Variants in PTPN23 observed in about 807,000 individuals in gnomAD.
PTPN23 encodes the protein protein tyrosine phosphatase non-receptor type 23.
In PTPN23, 72 loss-of-function variants were observed where a neutral mutation model predicts 156.3. The ratio of observed to expected loss-of-function variants is 0.46; its 90% CI spans 0.38 to 0.56. PTPN23 has a LOEUF of 0.56. Among genes scored for constraint, PTPN23 ranks in the 20% least tolerant of loss-of-function variants. The probability of loss-of-function intolerance (pLI) is 0.00; values close to 1 mark genes in which losing one functional copy is unlikely to be tolerated. For missense variants in PTPN23, 1,974 were observed against 2,171.5 expected, an observed-to-expected ratio of 0.91 and a Z score of 1.81; for synonymous variants, 957 against 899.6, an observed-to-expected ratio of 1.06 and a Z score of -1.14.
chr3:47,399,746 G>A (rs1223691196), intron 2 of PTPN23, among the ~76,000 whole-genome samples: 1 of 152,208 alleles, frequency 6.6e-6, no homozygotes, highest in Admixed American at 6.5e-5. Flanking sequence ...GCCATCTGGG[G>A]TAGCCACTTC....
At position 47,407,654 on chromosome 3, in the gene PTPN23, G is replaced by A; in HGVS notation, c.1004-43G>A. On this transcript the variant is annotated intron_variant, in intron 12 of 24. Transcript: ENST00000265562. The surrounding 1 kb of genome is among the most constrained non-coding windows in gnomAD (Gnocchi z 4.0). ...GACAGGACACAGGAGGCTGCCTCAA[G>A]GACTCTGCGTGGGCCTGATCTCCAC... 2 of 1,608,436 alleles carry A rather than the reference G, an allele frequency of 1.2e-6. No homozygotes were observed. Among genetic ancestry groups the A allele is most frequent in the South Asian group, 1.1e-5 (1 of 90,940 alleles).
At chr3:47,404,810 C>G in intron 3 of PTPN23, 31 bp downstream of exon 3, 1 of 1,608,224 alleles carries the variant, frequency 6.2e-7, no homozygotes, top group African/African-American at 1.3e-5. Context: ...TGGAGGATCC[C>G]ACGGGGAGTC....
Position 47,405,773 on chromosome 3 carries a change from C to A in PTPN23, c.389C>A (p.Ala130Asp). ...GGAGCGCTGCACTCCATGCTGGGGG[C>A]CATGGACAAGCGGGTGTCTGAGGAG... ...NLGALHSMLG[A>D]MDKRVSEEGM... The change falls in exon 5 of 25, where the codon GCC (alanine) becomes GAC (aspartate). Residue 130 changes from alanine to aspartate, a missense_variant. Physicochemically the swap from Ala to Asp is moderately radical, Grantham distance 126 (BLOSUM62 -2). Coordinates refer to ENST00000265562, the MANE Select transcript of PTPN23 (RefSeq NM_015466.4). The surrounding 1 kb of genome is among the most constrained non-coding windows in gnomAD (Gnocchi z 4.7). The A allele has an allele frequency of 1.3e-6, 2 of 1,594,848 alleles. No homozygotes were observed. The highest frequency in any genetic ancestry group is 1.7e-6 in the Non-Finnish European group (2 of 1,171,250).
At position 47,407,647 on chromosome 3, in the gene PTPN23, G is replaced by C. The variant is rs1313488529; in HGVS notation, c.1004-50G>C. 1 of 1,606,084 alleles carries C rather than the reference G, an allele frequency of 6.2e-7. No individual in the cohort carries two copies. The highest frequency in any genetic ancestry group is 8.5e-7 in the Non-Finnish European group (1 of 1,173,070). ...GGGTGGGGACAGGACACAGGAGGCTGCCTCAAGGACTCTGCGTGGGCCTGA... is the reference window on the plus strand; with the variant it reads ...GGGTGGGGACAGGACACAGGAGGCTCCCTCAAGGACTCTGCGTGGGCCTGA... On this transcript the variant is annotated intron_variant, in intron 12 of 24. Coordinates refer to ENST00000265562, the MANE Select transcript of PTPN23 (RefSeq NM_015466.4). The surrounding 1 kb of genome is among the most constrained non-coding windows in gnomAD (Gnocchi z 4.0).
rs969377050 is a variant in PTPN23 at position 47,411,542 on chromosome 3, C to T, written c.3744C>T (p.Cys1248=). ...SGKDDYINAS[C]VEGLSPYCPP... is the part of the protein sequence containing the mutation. Reference sequence around the variant, plus strand: ...AGGATGACTACATCAATGCCAGCTGCGTGGAGGGGCTCTCCCCATACTGCC... The same window carrying T: ...AGGATGACTACATCAATGCCAGCTGTGTGGAGGGGCTCTCCCCATACTGCC... The change falls in exon 20 of 25, where the codon TGC becomes TGT. Residue 1248 remains cysteine, a synonymous_variant. Coordinates refer to ENST00000265562, the MANE Select transcript of PTPN23 (RefSeq NM_015466.4). This position sits in a 1 kb window ranked among gnomAD's most constrained non-coding sequence, Gnocchi z 6.3. 5.8e-5 allele frequency: 94 copies of T among 1,612,728 alleles called. No individual in the cohort carries two copies. Among genetic ancestry groups the T allele is most frequent in the Non-Finnish European group, 7.3e-5 (86 of 1,180,012 alleles).
rs142017935 is a variant in PTPN23 at position 47,408,810 on chromosome 3, C to T, written c.1365C>T (p.Ser455=). ...GTGTGTTCACGGATGTGGAGGCTTC[C>T]CTGAAGGACATCAGAGATCTGTTGG... The part of the protein sequence containing the change: ...LSGVFTDVEA[S]LKDIRDLLEE... The change falls in exon 16 of 25, where the codon TCC becomes TCT. Residue 455 remains serine, a synonymous_variant. Coordinates refer to ENST00000265562, the MANE Select transcript of PTPN23 (RefSeq NM_015466.4). 1.9e-6 allele frequency: 3 copies of T among 1,609,474 alleles called. No homozygotes were observed. The highest frequency in any genetic ancestry group is 2.5e-6 in the Non-Finnish European group (3 of 1,177,330).
chr3:47,388,256 T>C (rs1486183028), intron 1 of PTPN23, among the ~76,000 whole-genome samples: 1 of 152,198 alleles, frequency 6.6e-6, no homozygotes, highest in East Asian at 1.9e-4. Flanking sequence ...ACACCCAGGC[T>C]GGAGTGCAAA....
At position 47,405,236 on chromosome 3, in the gene PTPN23, C is replaced by G; in HGVS notation, c.364+155C>G. On this transcript the variant is annotated intron_variant, in intron 4 of 24. Transcript: ENST00000265562. This position sits in a 1 kb window ranked among gnomAD's most constrained non-coding sequence, Gnocchi z 4.7. ...CCTCCCCACAGCCCTGCCAGCTCCT[C>G]CACTGTTTTCTGGGCTGGGCCCGTG... The G allele has an allele frequency of 1.4e-6, 1 of 698,180 alleles. No individual in the cohort carries two copies. Among genetic ancestry groups the G allele is most frequent in the Admixed American group, 2.3e-5 (1 of 43,288 alleles). The allele number at this position is 698,180 out of a possible 1,614,324, so 43.2% of individuals were successfully genotyped here.
rs777293941 is a variant in PTPN23, at chr3:47,407,829, C to T, written c.1118+18C>T. 6.2e-7 allele frequency: 1 copy of T among 1,613,996 alleles called. No individual in the cohort carries two copies. Among genetic ancestry groups the T allele is most frequent in the South Asian group, 1.1e-5 (1 of 91,080 alleles). On this transcript the variant is annotated intron_variant, in intron 13 of 24. Coordinates refer to ENST00000265562, the MANE Select transcript of PTPN23 (RefSeq NM_015466.4). This position sits in a 1 kb window ranked among gnomAD's most constrained non-coding sequence, Gnocchi z 4.0. ...CTGTACAGGTGGGTGGAGGGTGGCACAGAGGGAGGTGGGGTGTCTTGAGAT... is the reference window on the plus strand; with the variant it reads ...CTGTACAGGTGGGTGGAGGGTGGCATAGAGGGAGGTGGGGTGTCTTGAGAT...
chr3:47,402,408 T>A (rs1006488308), intron 2 of PTPN23, among the ~76,000 whole-genome samples: 2 of 151,876 alleles, frequency 1.3e-5, no homozygotes, highest in Non-Finnish European at 2.9e-5. Flanking sequence ...GCCTCCTGAG[T>A]AGCTGGAATT....
In PTPN23 at chr3:47,412,835, C is replaced by G. The variant is rs867677793; in HGVS notation, c.4561C>G (p.Pro1521Ala). The change falls in exon 25 of 25, where the codon CCA becomes GCA. Residue 1521 changes from proline to alanine, a missense_variant. Pro to Ala is a conservative substitution (Grantham distance 27, BLOSUM62 -1). Coordinates refer to ENST00000265562, the MANE Select transcript of PTPN23 (RefSeq NM_015466.4). ...GGLESPVASL[P>A]GPAEPPGLPP... ...GTTGGAGTCCCCGGTTGCCAGCTTG[C>G]CAGGCCCTGCAGAGCCCCCAGGCCT... The G allele has an allele frequency of 1.2e-6, 2 of 1,613,424 alleles. No homozygotes were observed. The highest frequency in any genetic ancestry group is 2.2e-5 in the South Asian group (2 of 91,070).
intron 1 of PTPN23, among the ~76,000 whole-genome samples, chr3:47,383,130 C>T (rs1559516665): frequency 6.6e-6 from 1 of 152,162 alleles, no homozygotes; most frequent in African/African-American, 2.4e-5. Context: ...TGAGTCCCCA[C>T]TGTGTGCTTC....
intron 3 of PTPN23, 26 bp downstream of exon 3, chr3:47,404,805 G>A: frequency 6.2e-7 from 1 of 1,610,120 alleles, no homozygotes. Context: ...AGGGCTGGAG[G>A]ATCCCACGGG....
At position 47,410,932 on chromosome 3, in the gene PTPN23, C is replaced by A; in HGVS notation, c.3134C>A (p.Pro1045His). ...CCCAGCCCTGGGCCCCCTCAGCCTC[C>A]CCATCCCCCACTGGCATATGGTCCT... ...PFPSPGPPQP[P>H]HPPLAYGPAP... Residue 1045 changes from proline (P) to histidine (H), a missense_variant, in exon 20 of 25, where the codon CCC becomes CAC. Physicochemically the swap from Pro to His is moderately conservative, Grantham distance 77 (BLOSUM62 -2). This residue lies in a region of PTPN23 where 731 missense variants were observed against 669.1 expected (regional missense o/e 1.09). Coordinates refer to ENST00000265562, the MANE Select transcript of PTPN23 (RefSeq NM_015466.4). 1 of 1,610,628 alleles carries A rather than the reference C, an allele frequency of 6.2e-7. No individual in the cohort carries two copies. Among genetic ancestry groups the A allele is most frequent in the African/African-American group, 1.3e-5 (1 of 74,934 alleles).
At chr3:47,403,383 C>T (rs1050283082) in intron 2 of PTPN23, among the ~76,000 whole-genome samples, 1 of 152,032 alleles carries the variant, frequency 6.6e-6, no homozygotes, top group Non-Finnish European at 1.5e-5. Flanking sequence ...CCCCCAATAG[C>T]ATGCCATAGG....
rs1410344846 is a variant in PTPN23, at chr3:47,411,302, T to C, written c.3504T>C (p.Pro1168=). 6.2e-7 allele frequency: 1 copy of C among 1,612,168 alleles called. No homozygotes were observed. Among genetic ancestry groups the C allele is most frequent in the African/African-American group, 1.3e-5 (1 of 74,978 alleles). The change falls in exon 20 of 25, where the codon CCT becomes CCC. Residue 1168 remains proline (P), a synonymous_variant. Transcript: ENST00000265562. This position sits in a 1 kb window ranked among gnomAD's most constrained non-coding sequence, Gnocchi z 6.3. ...RLIERDPYEH[P]ERLRQLQQEL... ...TTGAGCGGGACCCCTATGAGCATCC[T>C]GAGAGGCTGCGGCAGTTGCAGCAGG...
chr3:47,406,537 A>G lies in PTPN23; in HGVS notation c.684A>G (p.Ser228=), dbSNP rs1337058530. 6.2e-7 allele frequency: 1 copy of G among 1,614,014 alleles called. No individual in the cohort carries two copies. The highest frequency in any genetic ancestry group is 1.7e-5 in the Admixed American group (1 of 60,030). The change falls in exon 8 of 25, where the codon TCA becomes TCG. Residue 228 remains serine (S), a synonymous_variant. Transcript: ENST00000265562. This position sits in a 1 kb window ranked among gnomAD's most constrained non-coding sequence, Gnocchi z 5.8. The stretch of plus-strand genomic sequence containing the variant: ...CCTTGGAGAACCCCGACACTGCCTC[A>G]CTGCTGGGCCGGATCCAGAAGGACT... The part of the protein sequence containing the change: ...CRALENPDTA[S]LLGRIQKDWK...
At chr3:47,402,371 C>G (rs1489272846) in intron 2 of PTPN23, among the ~76,000 whole-genome samples, 1 of 152,040 alleles carries the variant, frequency 6.6e-6, no homozygotes, top group Non-Finnish European at 1.5e-5. Context: ...CTTCTGCTCC[C>G]CGGATTCAAG....
chr3:47,406,686 C>CT lies in PTPN23; in HGVS notation c.760-16dup. 6.2e-7 allele frequency: 1 copy of CT among 1,614,006 alleles called. No homozygotes were observed. The highest frequency in any genetic ancestry group is 8.5e-7 in the Non-Finnish European group (1 of 1,179,986). On this transcript the variant is annotated splice_polypyrimidine_tract_variant and intron_variant, in intron 8 of 24. Coordinates refer to ENST00000265562, the MANE Select transcript of PTPN23 (RefSeq NM_015466.4). This position sits in a 1 kb window ranked among gnomAD's most constrained non-coding sequence, Gnocchi z 5.8. ...CAGCTCAGGAAGCAAGTCGTGGCGT[C>CT]TCTTCTTCTTTCCCAGCTGCACATG...
Sources: allele counts gnomAD v4.1 joint callset (sites outside exome capture counted in the v4.1 genomes callset), GRCh38; gene constraint gnomAD v4.1.1; regional missense constraint gnomAD v4.1.1; non-coding constraint Gnocchi (gnomAD v3.1); transcripts MANE v1.5; gene names NCBI Gene and HGNC (gene_info 2026-07-23, HGNC 2026-07-21).